Variants in SCLT1 observed in about 807,000 individuals in gnomAD.
SCLT1 encodes sodium channel and clathrin linker 1.
SCLT1 carries 78 observed loss-of-function variants against 112.8 expected under a neutral mutation model. The ratio of observed to expected loss-of-function variants is 0.69; its 90% confidence interval spans 0.58 to 0.83. The LOEUF (loss-of-function observed/expected upper bound fraction) is 0.83. SCLT1 is among the 40% of genes least tolerant of loss of function. SCLT1 has a pLI of 0.00. For synonymous variants in SCLT1, 257 were observed against 254.7 expected, an observed-to-expected ratio of 1.01 and a Z score of -0.09; for missense variants, 747 against 770.4, an observed-to-expected ratio of 0.97 and a Z score of 0.36.
intron 5 of SCLT1, among the ~76,000 whole-genome samples, chr4:129,025,386 GC>G (rs1308661035): frequency 2.6e-5 from 4 of 152,156 alleles, no homozygotes; most frequent in African/African-American, 9.7e-5. Context: ...GAGAGTGGGG[GC>G]CAATATTCAA....
At position 128,946,060 on chromosome 4, in the gene SCLT1, A is replaced by G. The variant is rs1738131651; in HGVS notation, c.1386T>C (p.Asp462=). 6.2e-7 allele frequency: 1 copy of G among 1,611,460 alleles called. No homozygotes were observed. Among genetic ancestry groups the G allele is most frequent in the South Asian group, 1.1e-5 (1 of 90,974 alleles). ...RFLVSERSKD[D]LQLRLTRAEN... ...CTGCTCTCGTAAGTCTTAGCTGAAG[A>G]TCATCTTTTGAACGCTCTGAAACCA... is the stretch of plus-strand genomic sequence containing the variant. The change falls in exon 16 of 21, where the codon GAT becomes GAC. Residue 462 remains aspartate, a synonymous_variant. Transcript: ENST00000281142.
chr4:129,081,258 C>T (rs1413275124), intron 2 of SCLT1, among the ~76,000 whole-genome samples: 1 of 152,230 alleles, frequency 6.6e-6, no homozygotes, highest in Non-Finnish European at 1.5e-5. Flanking sequence ...TCCTACCCCT[C>T]CCATATGCCC....
chr4:129,034,763 T>C (rs1373781250), intron 5 of SCLT1, among the ~76,000 whole-genome samples: 1 of 152,064 alleles, frequency 6.6e-6, no homozygotes, highest in Non-Finnish European at 1.5e-5. Context: ...TTGTGAGCCA[T>C]TCAATCTCTG....
chr4:128,898,730 C>G (rs567388886), intron 18 of SCLT1, among the ~76,000 whole-genome samples: 1 of 152,042 alleles, frequency 6.6e-6, no homozygotes, highest in Non-Finnish European at 1.5e-5. Context: ...TCAATGAATC[C>G]GGGAGCTGGT....
chr4:128,952,811 T>C lies in SCLT1; in HGVS notation c.1176A>G (p.Ile392Met), dbSNP rs1037414227. The C allele has an allele frequency of 5.1e-6, 8 of 1,568,218 alleles. No individual in the cohort carries two copies. The highest frequency in any genetic ancestry group is 4.4e-6 in the Non-Finnish European group (5 of 1,138,328). The change falls in exon 14 of 21, where the codon ATA becomes ATG. Residue 392 changes from isoleucine (I) to methionine (M), a missense_variant. By Grantham distance (10) the Ile-to-Met change is conservative. Transcript: ENST00000281142. ...GTTCTTCTGTTAATCGAGAAATTTG[T>C]ATATTACATTGTTTTTTGGTGTTTG... Reference protein sequence around the residue: ...EVANTKKQCNIQISRLTEELS... With the variant: ...EVANTKKQCNMQISRLTEELS...
intron 18 of SCLT1, among the ~76,000 whole-genome samples, chr4:128,906,597 C>CA (rs1734714211): frequency 6.6e-6 from 1 of 152,142 alleles, no homozygotes. Flanking sequence ...AAAGATCCTT[C>CA]ACAGGAAGCT....
intron 2 of SCLT1, among the ~76,000 whole-genome samples, chr4:129,069,414 T>C (rs1750783460): frequency 6.6e-6 from 1 of 152,152 alleles, no homozygotes; most frequent in Admixed American, 6.6e-5. Flanking sequence ...ATGAGATGTG[T>C]TTCTGTTTGT....
At chr4:128,971,088 G>A (rs1047323820) in intron 9 of SCLT1, 1 of 151,966 alleles carries the variant, frequency 6.6e-6, no homozygotes, top group African/African-American at 2.4e-5. Context: ...CTCCTCATAG[G>A]AAATGATTTT....
Position 128,957,014 on chromosome 4 carries a change from A to T in SCLT1, c.1146+12T>A. ...TAAATTCTGAATTTTAAATATAATT[A>T]AAAATCCTTACTTCTTTCTTGGTTC... On this transcript the variant is annotated intron_variant, in intron 13 of 20. Transcript: ENST00000281142. 1 of 1,414,528 alleles carries T rather than the reference A, an allele frequency of 7.1e-7. No homozygotes were observed. Among genetic ancestry groups the T allele is most frequent in the Non-Finnish European group, 9.7e-7 (1 of 1,030,064 alleles). The allele number at this position is 1,414,528 out of a possible 1,614,324, so 87.6% of individuals were successfully genotyped here. A position where few individuals can be genotyped will look rare whatever the true frequency, so the allele number is the denominator to read the frequency against.
intron 17 of SCLT1, 57 bp from the exon 18 acceptor site, chr4:128,936,908 A>G: frequency 4.3e-6 from 3 of 701,904 alleles, no homozygotes; most frequent in South Asian, 2.9e-5. Context: ...TGCTATACAG[A>G]TCAATGATAT....
At chr4:129,005,794 A>C (rs958090582) in intron 5 of SCLT1, among the ~76,000 whole-genome samples, 21 of 150,636 alleles carry the variant, frequency 1.4e-4, no homozygotes, top group African/African-American at 3.7e-4. Flanking sequence ...AGACTGGATT[A>C]AGAAAATGTG....
At chr4:128,948,100 C>T (rs185862758) in intron 15 of SCLT1, among the ~76,000 whole-genome samples, 160 of 151,966 alleles carry the variant, frequency 1.1e-3, no homozygotes, top group Non-Finnish European at 1.9e-3. Context: ...AAGTGTGAGG[C>T]TGAGGCAGGC....
At chr4:128,984,383 C>T (rs561660824) in intron 9 of SCLT1, among the ~76,000 whole-genome samples, 2 of 152,176 alleles carry the variant, frequency 1.3e-5, no homozygotes, top group Admixed American at 6.5e-5. Context: ...TTGGCTTTTC[C>T]ATGAATTTGT....
intron 17 of SCLT1, among the ~76,000 whole-genome samples, chr4:128,939,475 A>G (rs1425018685): frequency 6.6e-6 from 1 of 152,224 alleles, no homozygotes; most frequent in Non-Finnish European, 1.5e-5. Context: ...CTCCGATTAC[A>G]AAAATTCTAT....
intron 10 of SCLT1, among the ~76,000 whole-genome samples, chr4:128,966,465 G>T (rs968781137): frequency 1.3e-5 from 2 of 152,112 alleles, no homozygotes; most frequent in African/African-American, 4.8e-5. Context: ...GAGTGCCATT[G>T]TTGTCATATA....
chr4:129,006,606 A>C (rs1744051307), intron 5 of SCLT1, among the ~76,000 whole-genome samples: 1 of 152,042 alleles, frequency 6.6e-6, no homozygotes, highest in Admixed American at 6.6e-5. Context: ...TATTAAGATA[A>C]TTTTGTACAG....
At chr4:128,961,123 A>G (rs1294645585) in intron 11 of SCLT1, among the ~76,000 whole-genome samples, 3 of 151,840 alleles carry the variant, frequency 2.0e-5, no homozygotes, top group Non-Finnish European at 2.9e-5. Flanking sequence ...TTGCGATTTC[A>G]GTTTTTATAA....
chr4:128,897,762 T>A (rs1489204073), intron 18 of SCLT1, among the ~76,000 whole-genome samples: 1 of 152,206 alleles, frequency 6.6e-6, no homozygotes, highest in Non-Finnish European at 1.5e-5. Context: ...ATCAGTGTGC[T>A]GTATTCAGGA....
At chr4:128,937,461 C>T (rs887352900) in intron 17 of SCLT1, among the ~76,000 whole-genome samples, 1 of 152,066 alleles carries the variant, frequency 6.6e-6, no homozygotes, top group Non-Finnish European at 1.5e-5. Flanking sequence ...TAACATAACA[C>T]TTCTCTCTTT....
Sources: gnomAD v4.1 joint callset for allele counts (sites outside exome capture counted in the v4.1 genomes callset) on GRCh38, gnomAD v4.1.1 for gene constraint, MANE v1.5 for transcripts, NCBI Gene and HGNC (gene_info 2026-07-23, HGNC 2026-07-21) for gene names.